ZFHX3: variants seen among roughly 807,000 people sequenced by gnomAD.
ZFHX3 encodes the protein zinc finger homeobox 3, also known as zinc finger homeobox protein 3.
In ZFHX3, 42 loss-of-function variants were observed where a neutral mutation model predicts 279.1. The observed-to-expected ratio is 0.15, with a 90% confidence interval of 0.12 to 0.19. The LOEUF (loss-of-function observed/expected upper bound fraction) is 0.19, where lower values mean the gene tolerates loss of function less well. ZFHX3 is among the 10% of genes least tolerant of loss of function. The pLI is 1.00. For missense variants in ZFHX3, 4,981 were observed against 4,754.0 expected, an observed-to-expected ratio of 1.05 and a Z score of -1.40; for synonymous variants, 2,293 against 1,957.8, an observed-to-expected ratio of 1.17 and a Z score of -4.52.
intron 1 of ZFHX3, among the ~76,000 whole-genome samples, chr16:73,774,398 T>C (rs2054053632): frequency 6.6e-6 from 1 of 152,170 alleles, no homozygotes; most frequent in African/African-American, 2.4e-5. Context: ...TCACAGTCCA[T>C]GCTGGCTTTA....
At chr16:73,141,899 G>C (rs957822163) in intron 6 of ZFHX3, among the ~76,000 whole-genome samples, 1 of 152,166 alleles carries the variant, frequency 6.6e-6, no homozygotes, top group Non-Finnish European at 1.5e-5. Flanking sequence ...TTGCAACAAA[G>C]AGCAGGGTGG....
In ZFHX3 at chr16:73,310,501, T is replaced by C. The variant is rs150934607; in HGVS notation, c.-1194+7739A>G. ...GACCAGTAGCTCTCCATGGGGGCAATTTTACCCCCAGGGAAATTTAGTAAT... is the reference window on the plus strand; with the variant it reads ...GACCAGTAGCTCTCCATGGGGGCAACTTTACCCCCAGGGAAATTTAGTAAT... On this transcript the variant is annotated intron_variant, in intron 4 of 17. Transcript: ENST00000641206. Among the ~76,000 whole-genome samples, 14 of 152,308 alleles carry C rather than the reference T, an allele frequency of 9.2e-5. No homozygotes were observed. In the East Asian group the frequency reaches 2.5e-3, roughly 27 times the overall value.
intron 9 of ZFHX3, among the ~76,000 whole-genome samples, chr16:72,792,083 C>T (rs1181988677): frequency 1.3e-5 from 2 of 152,098 alleles, no homozygotes; most frequent in Non-Finnish European, 2.9e-5. Flanking sequence ...CCTAACAGGA[C>T]CCTGGAGGTG....
At chr16:73,465,855 C>T (rs2018560275) in intron 2 of ZFHX3, among the ~76,000 whole-genome samples, 1 of 152,104 alleles carries the variant, frequency 6.6e-6, no homozygotes, top group Admixed American at 6.5e-5. Flanking sequence ...AGGGGCAGAG[C>T]TATCTAAACA....
intron 3 of ZFHX3, among the ~76,000 whole-genome samples, chr16:73,337,903 G>GGGGT (rs2015949157): frequency 8.2e-6 from 1 of 122,218 alleles, no homozygotes; most frequent in Non-Finnish European, 1.8e-5. Context: ...GGGGGGGGGG[G>GGGGT]TCCTCATCCC....
intron 1 of ZFHX3, among the ~76,000 whole-genome samples, chr16:73,708,965 G>A (rs2053331292): frequency 1.3e-5 from 2 of 152,136 alleles, no homozygotes; most frequent in Non-Finnish European, 2.9e-5. Context: ...TGAGGTGCCT[G>A]GGGAGGGAAT....
At chr16:73,717,917 A>G (rs1413565477) in intron 1 of ZFHX3, among the ~76,000 whole-genome samples, 1 of 152,228 alleles carries the variant, frequency 6.6e-6, no homozygotes, top group Non-Finnish European at 1.5e-5. Flanking sequence ...AGAGCACAAC[A>G]GCCATCACTA....
At position 73,502,530 on chromosome 16, in the gene ZFHX3, C is replaced by G. The variant is rs560547187; in HGVS notation, c.-1546-46272G>C. On this transcript the variant is annotated intron_variant, in intron 2 of 17. Coordinates refer to the ZFHX3 transcript ENST00000641206. ...TGTCCTGTCCTGCATGGTGTCTAACCACTCCAATCCTCACTTGTGGAGAAT... is the reference window on the plus strand; with the variant it reads ...TGTCCTGTCCTGCATGGTGTCTAACGACTCCAATCCTCACTTGTGGAGAAT... 5.9e-5 allele frequency among the ~76,000 whole-genome samples: 9 copies of G among 152,322 alleles called. No individual in the cohort carries two copies. The East Asian group carries it at 1.7e-3, about 29-fold the overall frequency.
chr16:73,444,490 A>T (rs2018147873), intron 3 of ZFHX3, among the ~76,000 whole-genome samples: 1 of 152,240 alleles, frequency 6.6e-6, no homozygotes, highest in Admixed American at 6.5e-5. Flanking sequence ...CCACAAGGTC[A>T]GATAGTTCAC....
At chr16:73,337,132 C>G (rs559548166) in intron 3 of ZFHX3, among the ~76,000 whole-genome samples, 1 of 152,288 alleles carries the variant, frequency 6.6e-6, no homozygotes, top group South Asian at 2.1e-4. Flanking sequence ...TTTCCATTTA[C>G]CTGTTAGTCC....
intron 1 of ZFHX3, among the ~76,000 whole-genome samples, chr16:73,032,823 G>A (rs1443259495): frequency 6.6e-6 from 1 of 152,162 alleles, no homozygotes; most frequent in Middle Eastern, 3.2e-3. Context: ...AACCACAGGG[G>A]CCTAATACCC....
At chr16:73,759,504 AG>A (rs2053842007) in intron 1 of ZFHX3, among the ~76,000 whole-genome samples, 1 of 152,218 alleles carries the variant, frequency 6.6e-6, no homozygotes, top group South Asian at 2.1e-4. Context: ...CTTGTTAAAT[AG>A]GAAAGACAGA....
chr16:72,830,378 G>A (rs1369225311), intron 4 of ZFHX3, among the ~76,000 whole-genome samples: 2 of 152,234 alleles, frequency 1.3e-5, no homozygotes, highest in African/African-American at 4.8e-5. Flanking sequence ...TGGAAGTCAT[G>A]CAGGTTGCGA....
chr16:72,930,586 C>G (rs1446193035), intron 3 of ZFHX3, among the ~76,000 whole-genome samples: 2 of 152,098 alleles, frequency 1.3e-5, no homozygotes, highest in Non-Finnish European at 2.9e-5. Flanking sequence ...AATTAAAGGG[C>G]TATGGAGCAG....
intron 2 of ZFHX3, among the ~76,000 whole-genome samples, chr16:73,613,201 G>A (rs560194192): frequency 2.6e-5 from 4 of 152,242 alleles, no homozygotes; most frequent in South Asian, 2.1e-4. Context: ...TCTATGGGTC[G>A]AAACAATTTC....
At chr16:73,544,287 T>G (rs1380554721) in intron 2 of ZFHX3, among the ~76,000 whole-genome samples, 1 of 152,202 alleles carries the variant, frequency 6.6e-6, no homozygotes, top group Non-Finnish European at 1.5e-5. Flanking sequence ...TTTCCTTCTC[T>G]TCTTTTTAAA....
chr16:73,305,399 AT>A (rs1469105857), intron 4 of ZFHX3, among the ~76,000 whole-genome samples: 1 of 152,150 alleles, frequency 6.6e-6, no homozygotes, highest in Non-Finnish European at 1.5e-5. Flanking sequence ...ATACCGGGCA[AT>A]CAGTCCATGC....
intron 1 of ZFHX3, among the ~76,000 whole-genome samples, chr16:73,737,227 G>C (rs1027299273): frequency 2.0e-5 from 3 of 152,120 alleles, no homozygotes; most frequent in Non-Finnish European, 2.9e-5. Flanking sequence ...TGTAGAGACA[G>C]GGTCTTGCTG....
chr16:72,793,948 C>G lies in ZFHX3; in HGVS notation c.8734G>C (p.Val2912Leu), dbSNP rs2035802271. The G allele has an allele frequency of 6.2e-7, 1 of 1,614,232 alleles. No individual in the cohort carries two copies. The highest frequency in any genetic ancestry group is 2.2e-5 in the East Asian group (1 of 44,868). The change falls in exon 9 of 10, where the codon GTG becomes CTG. Residue 2912 changes from valine to leucine, a missense_variant. Transcript: ENST00000268489. This position sits in a 1 kb window ranked among gnomAD's most constrained non-coding sequence, Gnocchi z 4.3. ...AGGCTTGAGGTTTCACTGTAGTCCA[C>G]TGTACCTTCATTGTCATATTCCTTG... ...YSKEYDNEGT[V>L]DYSETSSLAD...
Sources: allele counts gnomAD v4.1 joint callset (sites outside exome capture counted in the v4.1 genomes callset), GRCh38; gene constraint gnomAD v4.1.1; non-coding constraint Gnocchi (gnomAD v3.1); transcripts MANE v1.5; gene names NCBI Gene and HGNC (gene_info 2026-07-23, HGNC 2026-07-21).